The following FN3K variants were observed in gnomAD, a reference collection of about 807,000 sequenced individuals.
FN3K encodes the protein fructosamine-3-kinase.
Under a neutral mutation model 24.8 loss-of-function variants are expected in FN3K, and 24 were observed. The observed-to-expected ratio is 0.97, with a 90% confidence interval of 0.70 to 1.36. The LOEUF is 1.36. FN3K is among the 40% of genes most tolerant of loss of function. The probability of loss-of-function intolerance (pLI) is 0.00; values close to 1 mark genes in which losing one functional copy is unlikely to be tolerated. For synonymous variants in FN3K, 192 were observed against 175.2 expected, an observed-to-expected ratio of 1.10 and a Z score of -0.76; for missense variants, 449 against 416.7, an observed-to-expected ratio of 1.08 and a Z score of -0.67.
rs375770760 is a variant in FN3K, at chr17:82,738,545, C to T, written c.198C>T (p.Gly66=). Residue 66 remains glycine, a synonymous_variant, in exon 2 of 6, where the codon GGC becomes GGT. Coordinates refer to ENST00000300784, the MANE Select transcript of FN3K (RefSeq NM_022158.4). The stretch of plus-strand genomic sequence containing the variant: ...GCCTGGAGGCCCTCAGGAGCACGGG[C>T]CTGGTGCGGGTGCCGAGGCCCATGA... ...VASLEALRST[G]LVRVPRPMKV... is the part of the protein sequence containing the mutation. The T allele has an allele frequency of 2.5e-6, 4 of 1,612,802 alleles. No homozygotes were observed. The South Asian group carries it at 3.3e-5, about 13-fold the overall frequency.
intron 2 of FN3K, among the ~76,000 whole-genome samples, chr17:82,739,145 A>G (rs886366698): frequency 4.6e-5 from 7 of 151,326 alleles, no homozygotes; most frequent in Non-Finnish European, 8.8e-5. Context: ...ATGGGGTTTC[A>G]CCATGTTGGC....
chr17:82,739,307 A>G lies in FN3K; in HGVS notation c.293+667A>G, dbSNP rs200520421. Among the ~76,000 whole-genome samples, 3 of 151,354 alleles carry G rather than the reference A, an allele frequency of 2.0e-5. No homozygotes were observed. The East Asian group carries it at 5.8e-4, about 29-fold the overall frequency. On this transcript the variant is annotated intron_variant, in intron 2 of 5. Transcript: ENST00000300784. ...TACTTTATTTTTATTTTATTTTTCC[A>G]AGACAGAGTCTTGCTCTGTTTCCCA...
intron 1 of FN3K, chr17:82,736,424 T>G (rs1453401364): frequency 3.3e-5 from 5 of 152,404 alleles, no homozygotes; most frequent in Admixed American, 3.3e-4. Context: ...TAATCCCAGC[T>G]ACTCGGGAGG....
Position 82,750,878 on chromosome 17 carries a change from C to G in FN3K, c.*123C>G. On this transcript the variant is annotated 3_prime_UTR_variant, in exon 6 of 6. Coordinates refer to ENST00000300784, the MANE Select transcript of FN3K (RefSeq NM_022158.4). Reference sequence around the variant, plus strand: ...TGTTCCCGTCTCCCCGTCCCTCCGTCTCCATCCCCCCGTCCCCCCATCCTC... The same window carrying G: ...TGTTCCCGTCTCCCCGTCCCTCCGTGTCCATCCCCCCGTCCCCCCATCCTC... 1.6e-6 allele frequency: 1 copy of G among 625,436 alleles called. No individual in the cohort carries two copies. The highest frequency in any genetic ancestry group is 2.6e-6 in the Non-Finnish European group (1 of 381,268). The allele number at this position is 625,436 out of a possible 1,614,324, so 38.7% of individuals were successfully genotyped here. A position where few individuals can be genotyped will look rare whatever the true frequency, so the allele number is the denominator to read the frequency against.
intron 5 of FN3K, 123 bp downstream of exon 5, chr17:82,749,100 G>T: frequency 6.8e-7 from 1 of 1,460,490 alleles, no homozygotes; most frequent in East Asian, 2.4e-5. Context: ...GCACACATCA[G>T]GGAGGAAGGG....
chr17:82,749,174 G>A, intron 5 of FN3K, 197 bp downstream of exon 5: 4 of 775,792 alleles, frequency 5.2e-6, no homozygotes, highest in Non-Finnish European at 8.6e-6. Flanking sequence ...GACACACTTG[G>A]CTCCTCGTGC....
chr17:82,738,476 G>C lies in FN3K; in HGVS notation c.142-13G>C. The C allele has an allele frequency of 6.2e-7, 1 of 1,611,886 alleles. No individual in the cohort carries two copies. On this transcript the variant is annotated splice_polypyrimidine_tract_variant and intron_variant, in intron 1 of 5. Coordinates refer to ENST00000300784, the MANE Select transcript of FN3K (RefSeq NM_022158.4). ...GAGTCAACAAGGCTGACAAGGCTGTGTTCTGGATGCAGGCCCGGCAGATGT... is the reference window on the plus strand; with the variant it reads ...GAGTCAACAAGGCTGACAAGGCTGTCTTCTGGATGCAGGCCCGGCAGATGT...
At chr17:82,748,706 C>A in intron 4 of FN3K, 149 bp from the exon 5 acceptor site, 1 of 1,245,646 alleles carries the variant, frequency 8.0e-7, no homozygotes, top group Non-Finnish European at 1.1e-6. Flanking sequence ...CTTTACCTGC[C>A]TTCCTCTGGG....
intron 4 of FN3K, among the ~76,000 whole-genome samples, chr17:82,748,142 C>CTTTTTTTT (rs145352692): frequency 2.8e-5 from 4 of 141,868 alleles, no homozygotes; most frequent in Non-Finnish European, 3.1e-5. Context: ...CTCTAGCTTT[C>CTTTTTTTT]TTTTTTTTTT....
chr17:82,742,575 A>G, intron 4 of FN3K: 2 of 387,228 alleles, frequency 5.2e-6, no homozygotes, highest in South Asian at 1.9e-5. Context: ...GCTGAATAAT[A>G]TTCCATTCTA....
At chr17:82,745,093 G>C (rs888879550) in intron 4 of FN3K, 2 of 153,742 alleles carry the variant, frequency 1.3e-5, no homozygotes, top group East Asian at 1.9e-4. Context: ...TGTCGGGCTG[G>C]GGGACGGTCA....
rs1432937949 is a variant in FN3K, at chr17:82,741,372, G to A, written c.447G>A (p.Thr149=). 1.4e-5 allele frequency: 22 copies of A among 1,613,618 alleles called. No individual in the cohort carries two copies. The highest frequency in any genetic ancestry group is 1.6e-4 in the Middle Eastern group (1 of 6,084). Residue 149 remains threonine (T), a synonymous_variant, in exon 4 of 6, where the codon ACG becomes ACA. Transcript: ENST00000300784. ...ACAAGTTCGGCTTCCACACGGTGACGTGCTGCGGCTTCATCCCGCAGGTGA... is the reference window on the plus strand; with the variant it reads ...ACAAGTTCGGCTTCCACACGGTGACATGCTGCGGCTTCATCCCGCAGGTGA... The part of the protein sequence containing the change: ...YVDKFGFHTV[T]CCGFIPQVNE...
intron 2 of FN3K, among the ~76,000 whole-genome samples, chr17:82,738,925 C>CGTATATATATATAT (rs1261335715): frequency 2.9e-5 from 3 of 104,090 alleles, no homozygotes; most frequent in African/African-American, 4.1e-5. Flanking sequence ...TATATATACA[C>CGTATATATATATAT]ATATATATAT....
chr17:82,738,010 C>T (rs903748689), intron 1 of FN3K: 2 of 164,770 alleles, frequency 1.2e-5, no homozygotes, highest in Non-Finnish European at 2.7e-5. Flanking sequence ...TTTTACCTTC[C>T]CAGCCCCTGC....
chr17:82,736,368 C>T (rs1054013396), intron 1 of FN3K: 1 of 152,460 alleles, frequency 6.6e-6, no homozygotes, highest in South Asian at 2.1e-4. Context: ...AACCCCGTCT[C>T]TACCAAAAAA....
intron 4 of FN3K, among the ~76,000 whole-genome samples, chr17:82,747,860 A>G (rs943706460): frequency 1.3e-5 from 2 of 152,148 alleles, no homozygotes; most frequent in Non-Finnish European, 2.9e-5. Context: ...ATTTTATTTA[A>G]CCCTAATTAC....
chr17:82,739,316 T>G (rs528907991), intron 2 of FN3K, among the ~76,000 whole-genome samples: 1 of 151,904 alleles, frequency 6.6e-6, no homozygotes, highest in Non-Finnish European at 1.5e-5. Flanking sequence ...CAAGACAGAG[T>G]CTTGCTCTGT....
chr17:82,751,176 C>A lies in FN3K; in HGVS notation c.*421C>A. On this transcript the variant is annotated 3_prime_UTR_variant, in exon 6 of 6. Transcript: ENST00000300784. ...CCCAGATCCTGGGGACCAATAAAGC[C>A]CGCAGCGGGTCTCGGCTGGCGTCCT... 1 of 116,354 alleles carries A rather than the reference C, an allele frequency of 8.6e-6. No homozygotes were observed. Among genetic ancestry groups the A allele is most frequent in the Non-Finnish European group, 1.7e-5 (1 of 59,640 alleles). 7.2% of individuals were successfully genotyped at this position (116,354 alleles called of 1,614,324 possible).
intron 4 of FN3K, among the ~76,000 whole-genome samples, chr17:82,746,050 C>T (rs897076112): frequency 5.1e-4 from 76 of 148,922 alleles, no homozygotes; most frequent in Non-Finnish European, 9.8e-4. Flanking sequence ...GCCGAGATCT[C>T]GCCACTGCAC....
Sources: allele counts gnomAD v4.1 joint callset (sites outside exome capture counted in the v4.1 genomes callset), GRCh38; gene constraint gnomAD v4.1.1; transcripts MANE v1.5; gene names NCBI Gene and HGNC (gene_info 2026-07-23, HGNC 2026-07-21).